The following SNTG1 variants were observed in gnomAD, a reference collection of about 807,000 sequenced individuals.
SNTG1 encodes gamma-1-syntrophin.
Under a neutral mutation model 74.7 loss-of-function variants are expected in SNTG1, and 39 were observed. The ratio of observed to expected loss-of-function variants is 0.52; its 90% CI spans 0.40 to 0.68. SNTG1 has a LOEUF of 0.68. Ranked by LOEUF, SNTG1 falls within the 30% of genes least tolerant of loss-of-function variation. The pLI is 0.00. For synonymous variants in SNTG1, 254 were observed against 217.1 expected, an observed-to-expected ratio of 1.17 and a Z score of -1.49; for missense variants, 685 against 609.5, an observed-to-expected ratio of 1.12 and a Z score of -1.30.
intron 16 of SNTG1, among the ~76,000 whole-genome samples, chr8:50,706,141 A>C (rs1040925563): frequency 1.3e-5 from 2 of 152,212 alleles, no homozygotes; most frequent in Non-Finnish European, 2.9e-5. Context: ...AGAAAACTCC[A>C]ATTATAGTTT....
chr8:50,675,409 A>G (rs1179252901), intron 15 of SNTG1, among the ~76,000 whole-genome samples: 3 of 152,052 alleles, frequency 2.0e-5, no homozygotes, highest in African/African-American at 7.2e-5. Context: ...CTTTATCATT[A>G]TGTAATGCTC....
At chr8:50,519,153 C>T (rs180735228) in intron 9 of SNTG1, among the ~76,000 whole-genome samples, 1 of 152,224 alleles carries the variant, frequency 6.6e-6, no homozygotes, top group African/African-American at 2.4e-5. Context: ...GTTAAACATA[C>T]ACAAATCAAT....
At chr8:50,539,823 A>G (rs942107241) in intron 11 of SNTG1, among the ~76,000 whole-genome samples, 8 of 152,198 alleles carry the variant, frequency 5.3e-5, no homozygotes, top group African/African-American at 1.9e-4. Context: ...CAATGGTTCC[A>G]TTGGTATTTG....
intron 5 of SNTG1, among the ~76,000 whole-genome samples, chr8:50,443,031 G>A (rs1337489024): frequency 6.6e-6 from 1 of 152,112 alleles, no homozygotes; most frequent in Non-Finnish European, 1.5e-5. Context: ...CAGAGACTTG[G>A]CATTTATATA....
At chr8:50,249,947 T>C (rs917826644) in intron 2 of SNTG1, among the ~76,000 whole-genome samples, 13 of 149,590 alleles carry the variant, frequency 8.7e-5, no homozygotes, top group African/African-American at 2.2e-4. Context: ...AATAACAGGG[T>C]TCTTTGTCTC....
intron 1 of SNTG1, among the ~76,000 whole-genome samples, chr8:50,048,697 A>G (rs1218462375): frequency 6.6e-6 from 1 of 152,174 alleles, no homozygotes; most frequent in Non-Finnish European, 1.5e-5. Flanking sequence ...ATATTTTTTA[A>G]TACTAATTAG....
intron 2 of SNTG1, among the ~76,000 whole-genome samples, chr8:50,188,266 G>A (rs1244038742): frequency 2.6e-5 from 4 of 152,070 alleles, no homozygotes; most frequent in Non-Finnish European, 1.5e-5. Flanking sequence ...GAACCATACA[G>A]GCAAGCCATT....
At chr8:50,131,070 T>C (rs1162920018) in intron 1 of SNTG1, among the ~76,000 whole-genome samples, 1 of 144,420 alleles carries the variant, frequency 6.9e-6, no homozygotes, top group Non-Finnish European at 1.6e-5. Flanking sequence ...AAAGAGAGCA[T>C]GAAAAACACA....
At chr8:49,973,847 C>T (rs948867692) in intron 1 of SNTG1, among the ~76,000 whole-genome samples, 1 of 152,100 alleles carries the variant, frequency 6.6e-6, no homozygotes, top group Admixed American at 6.6e-5. Flanking sequence ...TTCATTTCAA[C>T]AAAACATACT....
At chr8:50,635,995 A>C (rs944302495) in intron 13 of SNTG1, among the ~76,000 whole-genome samples, 3 of 151,818 alleles carry the variant, frequency 2.0e-5, no homozygotes, top group African/African-American at 7.3e-5. Flanking sequence ...CTCTTTAATG[A>C]GCAGGTGATG....
intron 1 of SNTG1, among the ~76,000 whole-genome samples, chr8:50,095,267 C>T (rs2079884690): frequency 6.6e-6 from 1 of 152,014 alleles, no homozygotes; most frequent in Non-Finnish European, 1.5e-5. Context: ...GCATAATTTA[C>T]CCACATAACA....
intron 15 of SNTG1, among the ~76,000 whole-genome samples, chr8:50,668,277 T>A (rs1281592574): frequency 6.6e-6 from 1 of 151,978 alleles, no homozygotes; most frequent in Non-Finnish European, 1.5e-5. Context: ...TATAAAGTAC[T>A]TATTTCCCTT....
At chr8:49,938,607 C>CTTTTCTTTTCTTTTCTTTTTTTTCT (rs60669251) in intron 1 of SNTG1, among the ~76,000 whole-genome samples, 6 of 27,906 alleles carry the variant, frequency 2.2e-4, no homozygotes, top group South Asian at 2.0e-3. Flanking sequence ...CTTTTCTTTT[C>CTTTTCTTTTCTTTTCTTTTTTTTCT]TTTCTTTCTT....
At chr8:50,400,319 T>C (rs545578263) in intron 3 of SNTG1, among the ~76,000 whole-genome samples, 48 of 152,210 alleles carry the variant, frequency 3.2e-4, no homozygotes, top group Non-Finnish European at 6.2e-4. Flanking sequence ...TCCTTATCTA[T>C]GTTGTTGCAA....
At chr8:50,097,835 T>C (rs1029050597) in intron 1 of SNTG1, among the ~76,000 whole-genome samples, 1 of 152,210 alleles carries the variant, frequency 6.6e-6, no homozygotes, top group African/African-American at 2.4e-5. Context: ...AAAGAACTTT[T>C]TATGTAAGAG....
At chr8:50,425,571 T>C (rs1046836840) in intron 4 of SNTG1, among the ~76,000 whole-genome samples, 5 of 152,078 alleles carry the variant, frequency 3.3e-5, no homozygotes, top group Non-Finnish European at 5.9e-5. Context: ...ATAATAATAA[T>C]AGAAATAAAG....
chr8:50,383,583 T>C (rs193237978), intron 2 of SNTG1, among the ~76,000 whole-genome samples: 1 of 152,294 alleles, frequency 6.6e-6, no homozygotes, highest in East Asian at 1.9e-4. Context: ...ACCGCCTTTT[T>C]CCACTACCCA....
At chr8:50,707,737 A>G (rs2131546021) in intron 16 of SNTG1, among the ~76,000 whole-genome samples, 1 of 152,102 alleles carries the variant, frequency 6.6e-6, no homozygotes, top group South Asian at 2.1e-4. Context: ...CATCTTGTAC[A>G]TGGATCACAA....
intron 12 of SNTG1, among the ~76,000 whole-genome samples, chr8:50,580,849 G>A (rs1264614158): frequency 6.6e-6 from 1 of 152,086 alleles, no homozygotes; most frequent in Non-Finnish European, 1.5e-5. Flanking sequence ...TGGGCCTGGG[G>A]AGAGTGAACA....
Sources: gnomAD v4.1 joint callset for allele counts (sites outside exome capture counted in the v4.1 genomes callset) on GRCh38, gnomAD v4.1.1 for gene constraint, MANE v1.5 for transcripts, NCBI Gene and HGNC (gene_info 2026-07-23, HGNC 2026-07-21) for gene names.